GABRG3: variants seen among roughly 807,000 people sequenced by gnomAD.
GABRG3 encodes the protein gamma-aminobutyric acid receptor subunit gamma-3.
GABRG3 carries 25 observed loss-of-function variants against 48.8 expected under a neutral mutation model. That is an observed-to-expected ratio of 0.51 (90% CI 0.37 to 0.72). GABRG3 has a LOEUF of 0.72. GABRG3 is among the 30% of genes least tolerant of loss of function. The probability of loss-of-function intolerance (pLI) is 0.00; values close to 1 mark genes in which losing one functional copy is unlikely to be tolerated. For missense variants in GABRG3, 394 were observed against 577.9 expected, an observed-to-expected ratio of 0.68 and a Z score of 3.26; for synonymous variants, 227 against 217.6, an observed-to-expected ratio of 1.04 and a Z score of -0.38.
Position 27,307,243 on chromosome 15 carries a change from T to C in GABRG3, c.271-19566T>C, listed in dbSNP as rs183450999. 7.8e-3 allele frequency among the ~76,000 whole-genome samples: 991 copies of C among 127,520 alleles called. 18 individuals carry two copies. Among genetic ancestry groups the C allele is most frequent in the African/African-American group, 0.028 (942 of 33,612 alleles). The allele number at this position is 127,520 out of a possible 152,430, so 83.7% of individuals were successfully genotyped here. A position where few individuals can be genotyped will look rare whatever the true frequency, so the allele number is the denominator to read the frequency against. ...TAACCATGTTTATATTATATGTTTATATATAACCATGTTCATATTATATGT... is the reference window on the plus strand; with the variant it reads ...TAACCATGTTTATATTATATGTTTACATATAACCATGTTCATATTATATGT... On this transcript the variant is annotated intron_variant, in intron 3 of 9. Transcript: ENST00000615808.
chr15:27,518,120 A>G (rs7162614), intron 6 of GABRG3, among the ~76,000 whole-genome samples: 94,627 of 149,578 alleles, frequency 0.63, 31,228 homozygotes, highest in African/African-American at 0.83. Flanking sequence ...GGAGGCCAAC[A>G]CAGGTGGATC....
chr15:27,509,549 T>G (rs1175717259), intron 6 of GABRG3, among the ~76,000 whole-genome samples: 3 of 152,210 alleles, frequency 2.0e-5, no homozygotes, highest in African/African-American at 7.2e-5. Flanking sequence ...TTTCTCTTTT[T>G]GTTTTAGATT....
At chr15:27,503,985 C>A (rs1222073812) in intron 6 of GABRG3, among the ~76,000 whole-genome samples, 1 of 152,078 alleles carries the variant, frequency 6.6e-6, no homozygotes, top group Non-Finnish European at 1.5e-5. Flanking sequence ...AATATAGGCT[C>A]TTGAGCTTCC....
chr15:27,185,787 A>G (rs1460578393), intron 3 of GABRG3, among the ~76,000 whole-genome samples: 8 of 152,056 alleles, frequency 5.3e-5, no homozygotes, highest in Non-Finnish European at 1.5e-5. Context: ...TTTAATGTCC[A>G]TTTGTGTCAC....
At chr15:27,039,113 T>C (rs1055313453) in intron 3 of GABRG3, among the ~76,000 whole-genome samples, 13 of 152,298 alleles carry the variant, frequency 8.5e-5, no homozygotes, top group African/African-American at 3.1e-4. Flanking sequence ...GGTGTAAAGT[T>C]ACTCAGAGGA....
At chr15:27,068,956 C>T (rs993207047) in intron 3 of GABRG3, among the ~76,000 whole-genome samples, 15 of 152,218 alleles carry the variant, frequency 9.9e-5, no homozygotes, top group African/African-American at 3.6e-4. Context: ...AGCAAGCACA[C>T]CACTCAGGCA....
At position 27,435,126 on chromosome 15, in the gene GABRG3, C is replaced by G. The variant is rs181117344; in HGVS notation, c.575-45524C>G. Among the ~76,000 whole-genome samples the G allele has an allele frequency of 3.4e-3, 522 of 151,710 alleles. 3 individuals are homozygous for G. The highest frequency in any genetic ancestry group is 4.8e-3 in the Non-Finnish European group (324 of 67,918). On this transcript the variant is annotated intron_variant, in intron 5 of 9. Coordinates refer to ENST00000615808, the MANE Select transcript of GABRG3 (RefSeq NM_033223.5). ...GTCTCTTCTGGAAGTTTTCCTTGTC[C>G]TAAGGGTCTTCCCCATCACCCTATA... is the stretch of plus-strand genomic sequence containing the variant.
intron 3 of GABRG3, among the ~76,000 whole-genome samples, chr15:27,095,258 AT>A (rs746056347): frequency 1.3e-5 from 2 of 152,230 alleles, no homozygotes; most frequent in Non-Finnish European, 2.9e-5. Context: ...GAATGAAGGC[AT>A]TTATATGGTT....
At chr15:27,405,690 AT>A (rs137944844) in intron 5 of GABRG3, among the ~76,000 whole-genome samples, 26,290 of 151,984 alleles carry the variant, frequency 0.17, 2,941 homozygotes, top group African/African-American at 0.32. Flanking sequence ...ATAATGGTTG[AT>A]TTTTTTCTGT....
At chr15:27,382,981 G>A (rs572121313) in intron 5 of GABRG3, among the ~76,000 whole-genome samples, 1 of 152,270 alleles carries the variant, frequency 6.6e-6, no homozygotes, top group East Asian at 1.9e-4. Context: ...TATAAATTTG[G>A]AAGTCATAAG....
intron 3 of GABRG3, among the ~76,000 whole-genome samples, chr15:27,268,171 G>A (rs139672677): frequency 2.5e-3 from 375 of 152,138 alleles, no homozygotes; most frequent in African/African-American, 8.2e-3. Context: ...TTGACATGGA[G>A]TTTTTTTATG....
At chr15:27,163,872 C>T (rs1477106126) in intron 3 of GABRG3, among the ~76,000 whole-genome samples, 2 of 152,136 alleles carry the variant, frequency 1.3e-5, no homozygotes, top group South Asian at 2.1e-4. Context: ...TGGCAGGGAA[C>T]GTGCAGGTCT....
intron 5 of GABRG3, among the ~76,000 whole-genome samples, chr15:27,391,405 T>A (rs1171785967): frequency 6.6e-6 from 1 of 152,156 alleles, no homozygotes; most frequent in Non-Finnish European, 1.5e-5. Context: ...GAAGTGGTAA[T>A]GTAGAACTAC....
intron 5 of GABRG3, among the ~76,000 whole-genome samples, chr15:27,372,213 C>G (rs570832807): frequency 1.3e-4 from 20 of 152,008 alleles, no homozygotes; most frequent in African/African-American, 4.8e-4. Flanking sequence ...TTAGGAAAAA[C>G]CAATATTTGA....
chr15:27,403,928 A>C (rs868376166), intron 5 of GABRG3, among the ~76,000 whole-genome samples: 1,251 of 107,482 alleles, frequency 0.012, 24 homozygotes, highest in African/African-American at 0.048. Flanking sequence ...AAAAAAAAAA[A>C]CAAAAAAAAA....
chr15:27,380,489 T>A (rs2140563597), intron 5 of GABRG3, among the ~76,000 whole-genome samples: 1 of 152,228 alleles, frequency 6.6e-6, no homozygotes, highest in South Asian at 2.1e-4. Context: ...ATAGTGTATT[T>A]GTAAAAGGAT....
chr15:27,088,150 T>C lies in GABRG3; in HGVS notation c.270+61329T>C, dbSNP rs552555883. Among the ~76,000 whole-genome samples, 41 of 150,814 alleles carry C rather than the reference T, an allele frequency of 2.7e-4. No individual in the cohort carries two copies. In the East Asian group the frequency reaches 5.9e-3, roughly 22 times the overall value. On this transcript the variant is annotated intron_variant, in intron 3 of 9. Transcript: ENST00000615808. Reference sequence around the variant, plus strand: ...GTGCACGCATGTGTGTGGAGAGGCCTGAAGCAGCTGAGGGTGTGAGTGGGC... The same window carrying C: ...GTGCACGCATGTGTGTGGAGAGGCCCGAAGCAGCTGAGGGTGTGAGTGGGC...
chr15:27,076,572 C>T (rs1192160408), intron 3 of GABRG3, among the ~76,000 whole-genome samples: 2 of 152,142 alleles, frequency 1.3e-5, no homozygotes, highest in Non-Finnish European at 2.9e-5. Context: ...GATCCACCCA[C>T]CTCAGCCTCC....
At position 27,480,717 on chromosome 15, in the gene GABRG3, A is replaced by C; in HGVS notation, c.642A>C (p.Lys214Asn). 6.2e-7 allele frequency: 1 copy of C among 1,613,592 alleles called. No individual in the cohort carries two copies. Among genetic ancestry groups the C allele is most frequent in the Non-Finnish European group, 8.5e-7 (1 of 1,179,732 alleles). Residue 214 changes from lysine to asparagine, a missense_variant, in exon 6 of 10, where the codon AAA becomes AAC. By Grantham distance (94) the Lys-to-Asn change is moderately conservative. Around this residue, in one of 3 missense-constraint regions of GABRG3, gnomAD observed 218 missense variants for 309.9 expected, o/e 0.70. Transcript: ENST00000615808. ...ATTCAGTGGAGGCAGCTGACCAGAA[A>C]TCATGGCGGCTTTATCAGTTTGACT... Reference protein sequence around the residue: ...RKNSVEAADQKSWRLYQFDFM... With the variant: ...RKNSVEAADQNSWRLYQFDFM...
Sources: gnomAD v4.1 joint callset for allele counts (sites outside exome capture counted in the v4.1 genomes callset) on GRCh38, gnomAD v4.1.1 for gene constraint, gnomAD v4.1.1 regional missense constraint, MANE v1.5 for transcripts, NCBI Gene and HGNC (gene_info 2026-07-23, HGNC 2026-07-21) for gene names.